The following TMEM178B variants were observed in gnomAD, a reference collection of about 807,000 sequenced individuals.
TMEM178B encodes the protein transmembrane protein 178B.
A neutral mutation model predicts 31.0 loss-of-function variants in TMEM178B; 5 were observed. That is an observed-to-expected ratio of 0.16 (90% CI 0.08 to 0.34). TMEM178B has a LOEUF of 0.34. Among genes scored for constraint, TMEM178B ranks in the 10% least tolerant of loss-of-function variants. TMEM178B has a pLI of 1.00. For missense variants in TMEM178B, 275 were observed against 400.3 expected, an observed-to-expected ratio of 0.69 and a Z score of 2.67; for synonymous variants, 164 against 164.0, an observed-to-expected ratio of 1.00 and a Z score of 0.00.
chr7:141,499,517 T>C, the TMEM178B span, among the ~76,000 whole-genome samples: 2 of 148,648 alleles, frequency 1.3e-5, no homozygotes, highest in African/African-American at 2.5e-5. Context: ...TGCATGCCTG[T>C]AGTCCCAGCT....
intron 2 of TMEM178B, among the ~76,000 whole-genome samples, chr7:141,436,406 G>A (rs1336383252): frequency 6.6e-6 from 1 of 152,172 alleles, no homozygotes; most frequent in Non-Finnish European, 1.5e-5. Context: ...GCAACCCCCT[G>A]GGAAGCACAG....
intron 1 of TMEM178B, among the ~76,000 whole-genome samples, chr7:141,090,474 C>A (rs753971271): frequency 1.3e-5 from 2 of 152,172 alleles, no homozygotes; most frequent in African/African-American, 4.8e-5. Context: ...CTCTCTCAAA[C>A]GTTGTTGAGA....
At chr7:141,263,660 A>G (rs989088448) in intron 2 of TMEM178B, among the ~76,000 whole-genome samples, 1 of 152,192 alleles carries the variant, frequency 6.6e-6, no homozygotes. Context: ...GGGATGGCCC[A>G]AGGATGTGGT....
chr7:141,247,675 A>G (rs780540581), intron 2 of TMEM178B, among the ~76,000 whole-genome samples: 1 of 152,194 alleles, frequency 6.6e-6, no homozygotes, highest in Non-Finnish European at 1.5e-5. Context: ...AACTTCTAGC[A>G]GATTCTCTAA....
chr7:141,230,204 A>C (rs1293668568), intron 2 of TMEM178B, among the ~76,000 whole-genome samples: 2 of 152,188 alleles, frequency 1.3e-5, no homozygotes, highest in Admixed American at 1.3e-4. Context: ...TATTTCTGAT[A>C]ATTTGTTTAG....
the TMEM178B span, among the ~76,000 whole-genome samples, chr7:141,485,410 C>T: frequency 6.6e-6 from 1 of 152,336 alleles, no homozygotes; most frequent in South Asian, 2.1e-4. Flanking sequence ...CTCTGTGTGC[C>T]TCACTTTCCT....
chr7:141,080,190 A>G (rs370963027), intron 1 of TMEM178B, among the ~76,000 whole-genome samples: 39 of 152,368 alleles, frequency 2.6e-4, no homozygotes, highest in African/African-American at 8.9e-4. Context: ...GCTGTGGTAG[A>G]TGCTGAAATT....
intron 2 of TMEM178B, among the ~76,000 whole-genome samples, chr7:141,295,342 C>T (rs906117166): frequency 6.6e-6 from 1 of 152,192 alleles, no homozygotes; most frequent in East Asian, 1.9e-4. Flanking sequence ...GAAAGAGGAC[C>T]TCTACAGCAG....
chr7:141,219,199 A>G (rs942597782), intron 2 of TMEM178B, among the ~76,000 whole-genome samples: 4 of 152,156 alleles, frequency 2.6e-5, no homozygotes, highest in Non-Finnish European at 5.9e-5. Flanking sequence ...GGCTGCCTAG[A>G]GGTCCCATCT....
intron 2 of TMEM178B, among the ~76,000 whole-genome samples, chr7:141,328,077 G>T (rs1159671112): frequency 6.6e-6 from 1 of 152,172 alleles, no homozygotes; most frequent in Admixed American, 6.5e-5. Flanking sequence ...ATTCATAAGT[G>T]CATCACAAGA....
At chr7:141,148,672 C>T (rs999052044) in intron 1 of TMEM178B, among the ~76,000 whole-genome samples, 1 of 152,156 alleles carries the variant, frequency 6.6e-6, no homozygotes, top group Admixed American at 6.5e-5. Context: ...TTATTGTGTG[C>T]CAGGCACTAT....
intron 2 of TMEM178B, 30 bp downstream of exon 2, chr7:141,212,734 A>T (rs370696843): frequency 7.3e-5 from 111 of 1,510,422 alleles, no homozygotes; most frequent in Non-Finnish European, 3.2e-5. Context: ...AGTGGCTGTG[A>T]CTGTGCTGTG....
At chr7:141,294,829 G>A (rs2116428881) in intron 2 of TMEM178B, among the ~76,000 whole-genome samples, 1 of 152,286 alleles carries the variant, frequency 6.6e-6, no homozygotes, top group South Asian at 2.1e-4. Flanking sequence ...AGAATCTCTT[G>A]TAGAAGCCCC....
At chr7:141,306,355 G>A (rs532682978) in intron 2 of TMEM178B, among the ~76,000 whole-genome samples, 3 of 152,268 alleles carry the variant, frequency 2.0e-5, no homozygotes, top group Admixed American at 2.0e-4. Context: ...GGGAAGGAGA[G>A]GAGGGATGCG....
intron 2 of TMEM178B, among the ~76,000 whole-genome samples, chr7:141,321,602 C>T (rs1414542964): frequency 1.3e-5 from 2 of 152,120 alleles, no homozygotes; most frequent in African/African-American, 2.4e-5. Flanking sequence ...AGGGCTCAAC[C>T]GTGGCTCCGT....
rs767785691 is a variant in TMEM178B, at chr7:141,470,756, A to T, written c.855A>T (p.Lys285Asn). 12 of 1,526,266 alleles carry T rather than the reference A, an allele frequency of 7.9e-6. No homozygotes were observed. The South Asian group carries it at 1.5e-4, about 19-fold the overall frequency. The allele number at this position is 1,526,266 out of a possible 1,614,324, so 94.5% of individuals were successfully genotyped here. A position where few individuals can be genotyped will look rare whatever the true frequency, so the allele number is the denominator to read the frequency against. The change falls in exon 4 of 4, where the codon AAA becomes AAT. Residue 285 changes from lysine to asparagine, a missense_variant. Lys to Asn is a moderately conservative substitution (Grantham distance 94). Transcript: ENST00000565468. ...VQPVPRTNYP[K>N]SRPENGTVC The stretch of plus-strand genomic sequence containing the variant: ...CTGTCCCGAGGACCAACTACCCTAA[A>T]TCCAGACCCGAGAATGGGACAGTGT...
At chr7:141,217,171 G>A (rs1797170343) in intron 2 of TMEM178B, among the ~76,000 whole-genome samples, 1 of 152,220 alleles carries the variant, frequency 6.6e-6, no homozygotes, top group Admixed American at 6.5e-5. Flanking sequence ...TATGGTAGCA[G>A]TGCTTGTTTG....
chr7:141,115,942 T>C (rs1338430384), intron 1 of TMEM178B, among the ~76,000 whole-genome samples: 1 of 152,214 alleles, frequency 6.6e-6, no homozygotes, highest in African/African-American at 2.4e-5. Context: ...ATTTACACGT[T>C]AAAAATAAAT....
intron 2 of TMEM178B, among the ~76,000 whole-genome samples, chr7:141,300,953 C>G (rs1288677216): frequency 6.6e-6 from 1 of 152,212 alleles, no homozygotes; most frequent in Non-Finnish European, 1.5e-5. Context: ...CTGGCCCTGT[C>G]TGCCTCTCCT....
Sources: gnomAD v4.1 joint callset for allele counts (sites outside exome capture counted in the v4.1 genomes callset) on GRCh38, gnomAD v4.1.1 for gene constraint, MANE v1.5 for transcripts, NCBI Gene and HGNC (gene_info 2026-07-23, HGNC 2026-07-21) for gene names.